Variants in FBXL6 observed in about 807,000 individuals in gnomAD.
FBXL6 encodes F-box and leucine rich repeat protein 6.
Under a neutral mutation model 53.3 loss-of-function variants are expected in FBXL6, and 50 were observed. The ratio of observed to expected loss-of-function variants is 0.94; its 90% CI spans 0.75 to 1.19. The LOEUF is 1.19. Among genes scored for constraint, FBXL6 ranks in the 50% most tolerant of loss-of-function variants. The pLI is 0.00. For synonymous variants in FBXL6, 405 were observed against 322.9 expected (o/e 1.25, Z -2.73); for missense variants, 815 against 719.0 (o/e 1.13, Z -1.53).
chr8:144,357,038 T>C lies in FBXL6; in HGVS notation c.723A>G (p.Leu241=). 6.2e-7 allele frequency: 1 copy of C among 1,612,926 alleles called. No homozygotes were observed. Among genetic ancestry groups the C allele is most frequent in the Admixed American group, 1.7e-5 (1 of 60,014 alleles). ...TATGGAGCTGGCAGCAGGCTTTGGC[T>C]AGCATGACCAGAGCGTCAGCAGTCA... is the stretch of plus-strand genomic sequence containing the variant. ...HGVTADALVM[L]AKACCQLHSL... Residue 241 remains leucine, a synonymous_variant, in exon 4 of 9, where the codon CTA becomes CTG. Transcript: ENST00000331890.
chr8:144,357,087 A>C lies in FBXL6; in HGVS notation c.674T>G (p.Leu225Arg). 4.3e-6 allele frequency: 7 copies of C among 1,612,918 alleles called. No individual in the cohort carries two copies. The highest frequency in any genetic ancestry group is 5.9e-6 in the Non-Finnish European group (7 of 1,180,000). Residue 225 changes from leucine to arginine, a missense_variant, in exon 4 of 9, where the codon CTC becomes CGC. Physicochemically the swap from Leu to Arg is moderately radical, Grantham distance 102. Transcript: ENST00000331890. ...VGECCPRLTF[L>R]KLSGCHGVTA... is the part of the protein sequence containing the mutation. ...CACACCGTGGCAGCCGGAGAGCTTG[A>C]GGAAAGTGAGCCGAGGACAGCACTC...
In FBXL6 at chr8:144,357,126, G is replaced by C; in HGVS notation, c.640-5C>G. On this transcript the variant is annotated splice_region_variant and splice_polypyrimidine_tract_variant and intron_variant, in intron 3 of 8. Transcript: ENST00000331890. ...AGGACAGCACTCACCTACCAGCTGC[G>C]GGGAGACAGAGGGGCAGCTGGGGTT... The C allele has an allele frequency of 6.2e-7, 1 of 1,612,772 alleles. No individual in the cohort carries two copies. Among genetic ancestry groups the C allele is most frequent in the Non-Finnish European group, 8.5e-7 (1 of 1,179,932 alleles).
Position 144,355,437 on chromosome 8 carries a change from A to G in FBXL6, c.*94T>C, listed in dbSNP as rs1269846074. 25 of 1,548,060 alleles carry G rather than the reference A, an allele frequency of 1.6e-5. No homozygotes were observed. Among genetic ancestry groups the G allele is most frequent in the Non-Finnish European group, 2.1e-5 (24 of 1,139,312 alleles). On this transcript the variant is annotated 3_prime_UTR_variant, in exon 9 of 9. Transcript: ENST00000331890. The stretch of plus-strand genomic sequence containing the variant: ...AGGACCACACACACAGAACTCCTAA[A>G]AATGTTTTATTTTAACAAAATGCTC...
Position 144,355,683 on chromosome 8 carries a change from G to C in FBXL6, c.1473-5C>G. On this transcript the variant is annotated splice_region_variant and splice_polypyrimidine_tract_variant and intron_variant, in intron 8 of 8. Coordinates refer to ENST00000331890, the MANE Select transcript of FBXL6 (RefSeq NM_012162.4). ...GGGCAGCCGCTGATCACAGAGCTGT[G>C]GGGAGGGCAGACCACAGGAAGTTGA... 1.2e-6 allele frequency: 2 copies of C among 1,609,948 alleles called. No individual in the cohort carries two copies. The highest frequency in any genetic ancestry group is 1.1e-5 in the South Asian group (1 of 90,918).
chr8:144,356,428 G>A lies in FBXL6; in HGVS notation c.1097C>T (p.Ser366Leu), dbSNP rs782664521. ...CTCGTTGCTCACAAAGTTGCAGGTT[G>A]AGCTCGCCAGGCAGAGCTCCTCTAG... is the stretch of plus-strand genomic sequence containing the variant. ...PSLEELCLAS[S>L]TCNFVSNEVL... The change falls in exon 7 of 9, where the codon TCA becomes TTA. Residue 366 changes from serine to leucine, a missense_variant. Physicochemically the swap from Ser to Leu is moderately radical, Grantham distance 145. Transcript: ENST00000331890. 2 of 1,612,910 alleles carry A rather than the reference G, an allele frequency of 1.2e-6. No individual in the cohort carries two copies. Among genetic ancestry groups the A allele is most frequent in the East Asian group, 2.2e-5 (1 of 44,892 alleles).
In FBXL6 at chr8:144,357,561, A is replaced by T. The variant is rs1242508064; in HGVS notation, c.576-59T>A. 18 of 1,611,556 alleles carry T rather than the reference A, an allele frequency of 1.1e-5. No individual in the cohort carries two copies. In the East Asian group the frequency reaches 3.6e-4, roughly 32 times the overall value. The stretch of plus-strand genomic sequence containing the variant: ...GTTCCCACACGAGTCCTTCCCACCC[A>T]ACACCTTGGTGCAGGGAGACGGAAG... On this transcript the variant is annotated intron_variant, in intron 2 of 8. Coordinates refer to ENST00000331890, the MANE Select transcript of FBXL6 (RefSeq NM_012162.4).
chr8:144,358,039 G>A lies in FBXL6; in HGVS notation c.409C>T (p.Leu137=). The stretch of plus-strand genomic sequence containing the variant: ...GCCCGGCACCAGCGTTACCTGCCCA[G>A]GAAGGGCATGGGGCCGTCCGCCGCC... The part of the protein sequence containing the change: ...LVAADGPMPF[L]GRAARVCRRW... Residue 137 remains leucine (L), a synonymous_variant, in exon 1 of 9, where the codon CTG becomes TTG. Coordinates refer to ENST00000331890, the MANE Select transcript of FBXL6 (RefSeq NM_012162.4). 2 of 1,594,308 alleles carry A rather than the reference G, an allele frequency of 1.3e-6. No homozygotes were observed. The highest frequency in any genetic ancestry group is 1.7e-6 in the Non-Finnish European group (2 of 1,175,036).
Position 144,358,359 on chromosome 8 carries a change from A to G in FBXL6, c.89T>C (p.Leu30Pro), listed in dbSNP as rs782800101. 2.1e-5 allele frequency: 27 copies of G among 1,270,462 alleles called. No individual in the cohort carries two copies. The highest frequency in any genetic ancestry group is 2.3e-5 in the Non-Finnish European group (23 of 1,009,410). 78.7% of individuals were successfully genotyped at this position (1,270,462 alleles called of 1,614,324 possible). A position where few individuals can be genotyped will look rare whatever the true frequency, so the allele number is the denominator to read the frequency against. ...GTGGTACCCCGAGCCCCTCGGCGCC[A>G]GCCGGTCCCACCACCAGTCCTCGGC... The part of the protein sequence containing the change: ...RSAEDWWWDR[L>P]APRGSGYHLL... The change falls in exon 1 of 9, where the codon CTG becomes CCG. Residue 30 changes from leucine (L) to proline (P), a missense_variant. Leu to Pro is a moderately conservative substitution (Grantham distance 98, BLOSUM62 -3). Transcript: ENST00000331890.
Position 144,358,419 on chromosome 8 carries a change from C to T in FBXL6, c.29G>A (p.Arg10Gln), listed in dbSNP as rs1818575729. ...CCGCGGCGCTGCCCGGGCTCTGCGT[C>T]GGACCTGCCGGGAGGCTGGGGCAGC... Reference protein sequence around the residue: MAAPASRQVRRRARAAPRPR... With the variant: MAAPASRQVQRRARAAPRPR... The change falls in exon 1 of 9, where the codon CGA (arginine) becomes CAA (glutamine). Residue 10 changes from arginine (R) to glutamine (Q), a missense_variant. By Grantham distance (43) the Arg-to-Gln change is conservative (BLOSUM62 1). Coordinates refer to ENST00000331890, the MANE Select transcript of FBXL6 (RefSeq NM_012162.4). 5.6e-6 allele frequency: 7 copies of T among 1,245,090 alleles called. No homozygotes were observed. In the East Asian group the frequency reaches 2.1e-4, roughly 38 times the overall value. The allele number at this position is 1,245,090 out of a possible 1,614,324, so 77.1% of individuals were successfully genotyped here.
In FBXL6 at chr8:144,356,803, C is replaced by T. The variant is rs1355915201; in HGVS notation, c.879+5G>A. The stretch of plus-strand genomic sequence containing the variant: ...CTGCCTCTGCTCCCACCAATGCCAA[C>T]TTACCAGCAGTGCGCCCAGGATGGC... On this transcript the variant is annotated splice_donor_5th_base_variant and intron_variant, in intron 5 of 8. Transcript: ENST00000331890. 23 of 1,613,226 alleles carry T rather than the reference C, an allele frequency of 1.4e-5. No homozygotes were observed. The highest frequency in any genetic ancestry group is 1.6e-5 in the Non-Finnish European group (19 of 1,180,024).
intron 2 of FBXL6, 60 bp downstream of exon 2, chr8:144,357,566 CTT>C: frequency 1.2e-6 from 2 of 1,611,206 alleles, no homozygotes; most frequent in Non-Finnish European, 1.7e-6. Flanking sequence ...CACCCAACAC[CTT>C]GGTGCAGGGA....
At chr8:144,355,862 C>T (rs937490017) in intron 8 of FBXL6, 106 bp downstream of exon 8, 91 of 1,561,102 alleles carry the variant, frequency 5.8e-5, no homozygotes, top group African/African-American at 1.1e-4. Context: ...ATGCATGCCC[C>T]TCTGACCCCT....
In FBXL6 at chr8:144,358,034, GC is replaced by G. The variant is rs1554853342; in HGVS notation, c.413del (p.Gly138AlafsTer23). ...VAADGPMPFL[G>X]RAARVCRRWQ... Reference sequence around the variant, plus strand: ...GGCGGGCCCGGCACCAGCGTTACCTGCCCAGGAAGGGCATGGGGCCGTCCGC... The same window carrying G: ...GGCGGGCCCGGCACCAGCGTTACCTGCCAGGAAGGGCATGGGGCCGTCCGC... On this transcript the variant is annotated frameshift_variant, in exon 1 of 9. Transcript: ENST00000331890. LOFTEE classifies it high-confidence loss of function. 1 of 1,593,084 alleles carries G rather than the reference GC, an allele frequency of 6.3e-7. No individual in the cohort carries two copies. Among genetic ancestry groups the G allele is most frequent in the Non-Finnish European group, 8.5e-7 (1 of 1,174,756 alleles).
At position 144,357,682 on chromosome 8, in the gene FBXL6, C is replaced by G; in HGVS notation, c.521G>C (p.Gly174Ala). 7 of 1,610,954 alleles carry G rather than the reference C, an allele frequency of 4.3e-6. No individual in the cohort carries two copies. Among genetic ancestry groups the G allele is most frequent in the Non-Finnish European group, 5.9e-6 (7 of 1,178,844 alleles). ...AAGGAGCTTCTTCTCCGCCTTGACC[C>G]CGCCCTTGGCAGGCCGGCCGACCAG... ...SPLVGRPAKG[G>A]VKAEKKLLAS... The change falls in exon 2 of 9, where the codon GGG (glycine) becomes GCG (alanine). Residue 174 changes from glycine to alanine, a missense_variant. Transcript: ENST00000331890.
At chr8:144,357,809 G>T (rs782075287) in intron 1 of FBXL6, 23 bp from the exon 2 acceptor site, 14 of 1,501,676 alleles carry the variant, frequency 9.3e-6, no homozygotes, top group Non-Finnish European at 1.2e-5. Context: ...CGTGCTGAGG[G>T]TGCCGGCCCC....
At position 144,356,480 on chromosome 8, in the gene FBXL6, C is replaced by T. The variant is rs1554852813; in HGVS notation, c.1045G>A (p.Val349Met). Residue 349 changes from valine (V) to methionine (M), a missense_variant, in exon 7 of 9, where the codon GTG (valine) becomes ATG (methionine). Physicochemically the swap from Val to Met is conservative, Grantham distance 21. Transcript: ENST00000331890. Reference sequence around the variant, plus strand: ...CTAGGGAAGCCTGGTCCGGGAGCCACCCCTCGTCCCGGAGGCTTGGGCAGC... The same window carrying T: ...CTAGGGAAGCCTGGTCCGGGAGCCATCCCTCGTCCCGGAGGCTTGGGCAGC... ...MWLPKPPGRG[V>M]APGPGFPSLE... 1 of 1,612,828 alleles carries T rather than the reference C, an allele frequency of 6.2e-7. No individual in the cohort carries two copies. Among genetic ancestry groups the T allele is most frequent in the Non-Finnish European group, 8.5e-7 (1 of 1,180,026 alleles).
At position 144,358,314 on chromosome 8, in the gene FBXL6, A is replaced by G. The variant is rs781782800; in HGVS notation, c.134T>C (p.Met45Thr). Residue 45 changes from methionine to threonine, a missense_variant, in exon 1 of 9, where the codon ATG becomes ACG. Transcript: ENST00000331890. Reference sequence around the variant, plus strand: ...GCCGGGTTCGGACAGCACCAGCAGCATGCTGTCGGACTGCAGCAGGTGGTA... The same window carrying G: ...GCCGGGTTCGGACAGCACCAGCAGCGTGCTGTCGGACTGCAGCAGGTGGTA... The part of the protein sequence containing the change: ...SGYHLLQSDS[M>T]LLVLSEPGPA... 5.5e-6 allele frequency: 7 copies of G among 1,262,708 alleles called. No homozygotes were observed. In the Admixed American group the frequency reaches 1.1e-4, roughly 19 times the overall value. 78.2% of individuals were successfully genotyped at this position (1,262,708 alleles called of 1,614,324 possible).
intron 3 of FBXL6, 32 bp from the exon 4 acceptor site, chr8:144,357,153 G>GGA: frequency 6.2e-7 from 1 of 1,611,936 alleles, no homozygotes; most frequent in Non-Finnish European, 8.5e-7. Context: ...GCTGGGGTTG[G>GGA]GAGACGACAG....
At chr8:144,357,179 G>A in intron 3 of FBXL6, 58 bp from the exon 4 acceptor site, 1 of 1,605,458 alleles carries the variant, frequency 6.2e-7, no homozygotes, top group Non-Finnish European at 8.5e-7. Flanking sequence ...GATCCACAAG[G>A]GAAACAGACA....
Sources: allele counts gnomAD v4.1 joint callset, GRCh38; gene constraint gnomAD v4.1.1; transcripts MANE v1.5; gene names NCBI Gene and HGNC (gene_info 2026-07-23, HGNC 2026-07-21).